Variants in CFTR observed in about 807,000 individuals in gnomAD.
CFTR encodes CF transmembrane conductance regulator, also known as cystic fibrosis transmembrane conductance regulator.
Under a neutral mutation model 171.6 loss-of-function variants are expected in CFTR, and 181 were observed. The observed-to-expected ratio is 1.05, with a 90% CI of 0.93 to 1.19. The LOEUF is 1.19. CFTR is among the 50% of genes most tolerant of loss of function. The pLI is 0.00. For synonymous variants in CFTR, 583 were observed against 608.0 expected, an observed-to-expected ratio of 0.96 and a Z score of 0.60; for missense variants, 1,968 against 1,734.7, an observed-to-expected ratio of 1.13 and a Z score of -2.39.
chr7:117,535,808 A>T (rs1413949827), intron 6 of CFTR, among the ~76,000 whole-genome samples: 2 of 152,144 alleles, frequency 1.3e-5, no homozygotes, highest in Admixed American at 6.5e-5. Context: ...TACTGATATT[A>T]CAGGCATGAG....
In CFTR at chr7:117,542,125, A is replaced by T; in HGVS notation, c.1209+17A>T. On this transcript the variant is annotated intron_variant, in intron 9 of 26. Coordinates refer to ENST00000003084, the MANE Select transcript of CFTR (RefSeq NM_000492.4). ...TGGGAGGAGGTCAGAATTTTTAAAA[A>T]ATTGTTTGCTCTAAACACCTAACTG... is the stretch of plus-strand genomic sequence containing the variant. The T allele has an allele frequency of 7.6e-7, 1 of 1,315,018 alleles. No individual in the cohort carries two copies. Among genetic ancestry groups the T allele is most frequent in the Non-Finnish European group, 1.1e-6 (1 of 907,606 alleles). 81.5% of individuals were successfully genotyped at this position (1,315,018 alleles called of 1,614,324 possible).
At chr7:117,491,876 C>A (rs775483152) in intron 1 of CFTR, among the ~76,000 whole-genome samples, 4 of 151,952 alleles carry the variant, frequency 2.6e-5, no homozygotes, top group African/African-American at 9.7e-5. Context: ...TCTTTAGGAG[C>A]AGAATGCGAT....
intron 10 of CFTR, among the ~76,000 whole-genome samples, chr7:117,558,077 A>G (rs1436267875): frequency 1.3e-5 from 2 of 151,772 alleles, no homozygotes; most frequent in Non-Finnish European, 2.9e-5. Context: ...TTTTTTACTA[A>G]TTTTGTAAAT....
In CFTR at chr7:117,571,650, G is replaced by A. The variant is rs375190641; in HGVS notation, c.1584+11995G>A. Reference sequence around the variant, plus strand: ...AGGTATCTTTTCCAATATTATTTCCGAACCTACCCCAAACACCTTAAATCA... The same window carrying A: ...AGGTATCTTTTCCAATATTATTTCCAAACCTACCCCAAACACCTTAAATCA... On this transcript the variant is annotated intron_variant, in intron 11 of 26. Transcript: ENST00000003084. 2.1e-4 allele frequency among the ~76,000 whole-genome samples: 32 copies of A among 152,056 alleles called. No homozygotes were observed. In the South Asian group the frequency reaches 6.6e-3, roughly 32 times the overall value.
chr7:117,595,640 T>C (rs922925432), intron 15 of CFTR, among the ~76,000 whole-genome samples: 7 of 151,952 alleles, frequency 4.6e-5, no homozygotes, highest in African/African-American at 1.7e-4. Context: ...TCCCAGAATT[T>C]TAGGAGACTG....
chr7:117,587,034 G>A (rs1791946282), intron 11 of CFTR, among the ~76,000 whole-genome samples: 1 of 152,182 alleles, frequency 6.6e-6, no homozygotes, highest in Non-Finnish European at 1.5e-5. Context: ...ATGCCTAGGA[G>A]TCAAGGACTA....
At chr7:117,625,736 C>A (rs1792640868) in intron 21 of CFTR, among the ~76,000 whole-genome samples, 1 of 152,084 alleles carries the variant, frequency 6.6e-6, no homozygotes, top group South Asian at 2.1e-4. Flanking sequence ...AGGATAAATA[C>A]AATAAGATAT....
chr7:117,658,090 A>G (rs762163277), intron 24 of CFTR, among the ~76,000 whole-genome samples: 14 of 152,198 alleles, frequency 9.2e-5, no homozygotes, highest in Non-Finnish European at 2.1e-4. Flanking sequence ...AAGGGAAGGG[A>G]AGAGAGTTTC....
intron 20 of CFTR, among the ~76,000 whole-genome samples, chr7:117,614,258 C>T (rs1474268609): frequency 6.6e-6 from 1 of 151,872 alleles, no homozygotes; most frequent in Non-Finnish European, 1.5e-5. Flanking sequence ...TCCCCATTGC[C>T]CATTCTAATA....
chr7:117,489,280 AGAAC>A (rs1438964035), intron 1 of CFTR, among the ~76,000 whole-genome samples: 8 of 152,236 alleles, frequency 5.3e-5, no homozygotes, highest in Admixed American at 4.6e-4. Flanking sequence ...CTGAATATGA[AGAAC>A]GCTTAGACTA....
At chr7:117,631,198 A>G (rs1464010087) in intron 22 of CFTR, among the ~76,000 whole-genome samples, 1 of 152,064 alleles carries the variant, frequency 6.6e-6, no homozygotes, top group Non-Finnish European at 1.5e-5. Context: ...ATCCAGGTAG[A>G]TTTTGCTATT....
chr7:117,598,052 C>T (rs1792164593), intron 15 of CFTR, among the ~76,000 whole-genome samples: 1 of 152,316 alleles, frequency 6.6e-6, no homozygotes, highest in Non-Finnish European at 1.5e-5. Flanking sequence ...CACTCAGCAC[C>T]AGCTAAGGGC....
intron 11 of CFTR, among the ~76,000 whole-genome samples, chr7:117,584,880 T>C (rs1423964599): frequency 6.6e-6 from 1 of 152,122 alleles, no homozygotes; most frequent in Non-Finnish European, 1.5e-5. Context: ...GTAGAGATCT[T>C]TAACCTCCTT....
intron 24 of CFTR, among the ~76,000 whole-genome samples, chr7:117,655,683 G>A (rs1272809676): frequency 6.6e-6 from 1 of 152,126 alleles, no homozygotes; most frequent in Non-Finnish European, 1.5e-5. Flanking sequence ...ATTTGTTACA[G>A]CAGTACCCAG....
chr7:117,500,279 T>A (rs13239053), intron 1 of CFTR, among the ~76,000 whole-genome samples: 1 of 77,148 alleles, frequency 1.3e-5, no homozygotes, highest in South Asian at 5.7e-4. Flanking sequence ...TCTTCCTTTC[T>A]TTTTTTTTTT....
chr7:117,632,576 GAAAAAGA>G (rs139278468), intron 22 of CFTR, among the ~76,000 whole-genome samples: 6,065 of 151,078 alleles, frequency 0.04, 148 homozygotes, highest in Middle Eastern at 0.072. Flanking sequence ...AAAAGAAAAA[GAAAAAGA>G]AAAAAGAAAG....
chr7:117,626,420 A>G (rs1312328280), intron 21 of CFTR, among the ~76,000 whole-genome samples: 2 of 152,086 alleles, frequency 1.3e-5, no homozygotes, highest in African/African-American at 2.4e-5. Context: ...TTTGGTGTAA[A>G]TAAGATGATG....
At chr7:117,535,126 C>A in intron 5 of CFTR, 122 bp from the exon 6 acceptor site, 2 of 1,021,786 alleles carry the variant, frequency 2.0e-6, no homozygotes, top group East Asian at 2.4e-5. Context: ...TTAGTGTGCT[C>A]AGAACCACGA....
intron 24 of CFTR, among the ~76,000 whole-genome samples, chr7:117,663,255 C>T (rs1221917216): frequency 6.6e-6 from 1 of 152,072 alleles, no homozygotes; most frequent in Non-Finnish European, 1.5e-5. Context: ...CCTCTAACTC[C>T]CTGCCCAGTG....
Sources: allele counts gnomAD v4.1 joint callset (sites outside exome capture counted in the v4.1 genomes callset), GRCh38; gene constraint gnomAD v4.1.1; transcripts MANE v1.5; gene names NCBI Gene and HGNC (gene_info 2026-07-23, HGNC 2026-07-21).